Variants in KAZN observed in about 807,000 individuals in gnomAD.
The protein encoded by KAZN is kazrin, periplakin interacting protein, also known as kazrin.
KAZN carries 40 observed loss-of-function variants against 87.4 expected under a neutral mutation model. That is an observed-to-expected ratio of 0.46 (90% CI 0.36 to 0.60). The LOEUF is 0.60. Among genes scored for constraint, KAZN ranks in the 20% least tolerant of loss-of-function variants. The pLI is 0.00. For missense variants in KAZN, 898 were observed against 1,073.9 expected, an observed-to-expected ratio of 0.84 and a Z score of 2.29; for synonymous variants, 466 against 458.3, an observed-to-expected ratio of 1.02 and a Z score of -0.22.
At chr1:14,399,540 T>C (rs1311523507) in intron 2 of KAZN, among the ~76,000 whole-genome samples, 1 of 152,200 alleles carries the variant, frequency 6.6e-6, no homozygotes, top group African/African-American at 2.4e-5. Context: ...AGCCACCCAT[T>C]AGGACCAATC....
At chr1:14,710,462 C>T (rs12093078) in intron 1 of KAZN, among the ~76,000 whole-genome samples, 3,401 of 152,276 alleles carry the variant, frequency 0.022, 143 homozygotes, top group African/African-American at 0.078. Flanking sequence ...TCCAGCTTCT[C>T]ACCAGCCTCA....
Position 13,980,826 on chromosome 1 carries a change from G to A in KAZN, c.91+87070G>A, listed in dbSNP as rs556966959. Among the ~76,000 whole-genome samples the A allele has an allele frequency of 5.9e-5, 9 of 152,010 alleles. No individual in the cohort carries two copies. The East Asian group carries it at 1.7e-3, about 29-fold the overall frequency. On this transcript the variant is annotated intron_variant, in intron 1 of 16. Coordinates refer to the KAZN transcript ENST00000636203. ...CCATGTCTGCGGCCTGGGCTGAGATGACTCAAATGATTGGCGGTTGGAGTA... is the reference window on the plus strand; with the variant it reads ...CCATGTCTGCGGCCTGGGCTGAGATAACTCAAATGATTGGCGGTTGGAGTA...
chr1:14,298,456 A>G (rs1276323088), intron 2 of KAZN, among the ~76,000 whole-genome samples: 1 of 152,228 alleles, frequency 6.6e-6, no homozygotes, highest in Non-Finnish European at 1.5e-5. Flanking sequence ...TATGTTGAAC[A>G]CAATGCAGTT....
At chr1:15,108,684 C>G (rs496792) in intron 13 of KAZN, among the ~76,000 whole-genome samples, 144,359 of 152,236 alleles carry the variant, frequency 0.95, 68,469 homozygotes, top group East Asian at 0.99. Context: ...GGCTGGCCCA[C>G]CTGGTGGAGG....
chr1:14,644,343 T>A (rs1288407356), intron 1 of KAZN, among the ~76,000 whole-genome samples: 1 of 150,888 alleles, frequency 6.6e-6, no homozygotes, highest in Non-Finnish European at 1.5e-5. Context: ...TCTGTTTTTC[T>A]CTTGTAAATT....
intron 1 of KAZN, among the ~76,000 whole-genome samples, chr1:14,764,978 G>C (rs1009673986): frequency 6.6e-6 from 1 of 152,212 alleles, no homozygotes; most frequent in African/African-American, 2.4e-5. Flanking sequence ...AGCAGAACCA[G>C]GCTTGGAACC....
At chr1:14,124,645 G>A (rs770140914) in intron 1 of KAZN, among the ~76,000 whole-genome samples, 9 of 152,172 alleles carry the variant, frequency 5.9e-5, no homozygotes, top group Non-Finnish European at 1.2e-4. Context: ...GGACATCTTG[G>A]TATATTCGCC....
chr1:14,827,688 C>A (rs1288965476), intron 1 of KAZN, among the ~76,000 whole-genome samples: 1 of 152,180 alleles, frequency 6.6e-6, no homozygotes, highest in Non-Finnish European at 1.5e-5. Context: ...CCGCCACTGG[C>A]CCTTTGGAGA....
At chr1:14,742,780 C>T (rs1644145555) in intron 1 of KAZN, among the ~76,000 whole-genome samples, 2 of 152,182 alleles carry the variant, frequency 1.3e-5, no homozygotes, top group Admixed American at 1.3e-4. Context: ...ATTTGCTGAG[C>T]CTGTCCTGTG....
chr1:14,917,528 GA>G (rs1657941064), intron 1 of KAZN, among the ~76,000 whole-genome samples: 1 of 152,196 alleles, frequency 6.6e-6, no homozygotes, highest in South Asian at 2.1e-4. Context: ...AGTTTTTGAG[GA>G]TTTACCCTAT....
intron 1 of KAZN, among the ~76,000 whole-genome samples, chr1:14,745,104 G>T (rs1644224121): frequency 6.6e-6 from 1 of 152,054 alleles, no homozygotes. Flanking sequence ...CTAACCAAAA[G>T]GTCTGGCCAA....
chr1:14,789,716 C>T (rs1036767035), intron 1 of KAZN, among the ~76,000 whole-genome samples: 3 of 126,338 alleles, frequency 2.4e-5, no homozygotes, highest in African/African-American at 6.0e-5. Context: ...TTATCTGAGT[C>T]CCCATTCTTA....
In KAZN at chr1:14,370,542, G is replaced by T. The variant is rs76907262; in HGVS notation, c.249+189950G>T. On this transcript the variant is annotated intron_variant, in intron 2 of 16. Transcript: ENST00000636203. ...CATGCTAGGAAAGCCTTGCTCCTGG[G>T]GGGTATAGACACGATTACTTTTCCC... 7.0e-3 allele frequency among the ~76,000 whole-genome samples: 1,073 copies of T among 152,312 alleles called. 6 individuals carry two copies. The highest frequency in any genetic ancestry group is 0.024 in the African/African-American group (1,016 of 41,566).
In KAZN at chr1:15,013,709, G is replaced by A. The variant is rs188576631; in HGVS notation, c.419-21040G>A. Reference sequence around the variant, plus strand: ...GGCGGAGGTTGAATGAGCTGAGATCGCACCATTGCACTCCAACCTGGGCGA... The same window carrying A: ...GGCGGAGGTTGAATGAGCTGAGATCACACCATTGCACTCCAACCTGGGCGA... On this transcript the variant is annotated intron_variant, in intron 2 of 14. Coordinates refer to ENST00000376030, the MANE Select transcript of KAZN (RefSeq NM_201628.3). Among the ~76,000 whole-genome samples, 15 of 151,566 alleles carry A rather than the reference G, an allele frequency of 9.9e-5. No individual in the cohort carries two copies. The East Asian group carries it at 2.7e-3, about 27-fold the overall frequency.
At chr1:14,852,138 C>T (rs1649523347) in intron 1 of KAZN, among the ~76,000 whole-genome samples, 1 of 152,210 alleles carries the variant, frequency 6.6e-6, no homozygotes, top group Non-Finnish European at 1.5e-5. Flanking sequence ...GGATCTCCTT[C>T]TCCTTCTCTG....
intron 2 of KAZN, among the ~76,000 whole-genome samples, chr1:14,583,424 C>T (rs772999698): frequency 3.3e-5 from 5 of 152,168 alleles, no homozygotes; most frequent in Non-Finnish European, 7.4e-5. Flanking sequence ...TGGGAATGCT[C>T]TAGGAGATGC....
intron 2 of KAZN, among the ~76,000 whole-genome samples, chr1:14,380,343 G>C (rs552251254): frequency 3.9e-5 from 6 of 152,204 alleles, no homozygotes; most frequent in African/African-American, 1.4e-4. Context: ...GACCATCCAA[G>C]AAAACATGAA....
In KAZN at chr1:14,319,637, C is replaced by T. The variant is rs1655912526; in HGVS notation, c.249+139045C>T. 2.0e-5 allele frequency among the ~76,000 whole-genome samples: 3 copies of T among 152,178 alleles called. No individual in the cohort carries two copies. In the South Asian group the frequency reaches 6.2e-4, roughly 31 times the overall value. Reference sequence around the variant, plus strand: ...TTCCCGGAACTCCACTTGGGATCCTCCTCCCTTCTCGACAGCCTGCAGTGT... The same window carrying T: ...TTCCCGGAACTCCACTTGGGATCCTTCTCCCTTCTCGACAGCCTGCAGTGT... On this transcript the variant is annotated intron_variant, in intron 2 of 16. Transcript: ENST00000636203.
intron 1 of KAZN, among the ~76,000 whole-genome samples, chr1:14,091,631 A>G (rs559975983): frequency 6.6e-6 from 1 of 152,334 alleles, no homozygotes; most frequent in East Asian, 1.9e-4. Context: ...CAACATTTTG[A>G]TAATGCCAAA....
Sources: gnomAD v4.1 joint callset for allele counts (sites outside exome capture counted in the v4.1 genomes callset) on GRCh38, gnomAD v4.1.1 for gene constraint, MANE v1.5 for transcripts, NCBI Gene and HGNC (gene_info 2026-07-23, HGNC 2026-07-21) for gene names.